KIAA0930: variants seen among roughly 807,000 people sequenced by gnomAD.
The protein encoded by KIAA0930 is KIAA0930.
In KIAA0930, 24 loss-of-function variants were observed where a neutral mutation model predicts 43.9. The observed-to-expected ratio is 0.55, with a 90% confidence interval of 0.40 to 0.77. The LOEUF is 0.77. KIAA0930 is among the 30% of genes least tolerant of loss of function. The pLI is 0.00. For missense variants in KIAA0930, 461 were observed against 574.2 expected (o/e 0.80, Z 2.02); for synonymous variants, 259 against 216.4 (o/e 1.20, Z -1.73).
intron 7 of KIAA0930, chr22:45,200,976 G>C: frequency 1.9e-6 from 1 of 525,596 alleles, no homozygotes; most frequent in Non-Finnish European, 3.9e-6. Context: ...GGGGGGAAGG[G>C]CGTTCCAGCC....
chr22:45,202,871 G>C, intron 7 of KIAA0930, 119 bp downstream of exon 7: 1 of 834,278 alleles, frequency 1.2e-6, no homozygotes, highest in African/African-American at 1.7e-5. Context: ...ACCTCGGCCT[G>C]CGCACTGGTG....
At chr22:45,215,623 C>T (rs1202816665) in intron 1 of KIAA0930, among the ~76,000 whole-genome samples, 1 of 152,160 alleles carries the variant, frequency 6.6e-6, no homozygotes. Flanking sequence ...TCTTTTTAAA[C>T]GATGGCTATA....
At chr22:45,228,878 A>G (rs533303043) in intron 1 of KIAA0930, among the ~76,000 whole-genome samples, 8 of 28,586 alleles carry the variant, frequency 2.8e-4, no homozygotes, top group East Asian at 1.7e-3. Flanking sequence ...ACTCACCCGA[A>G]AGATCCCTCC....
intron 1 of KIAA0930, 78 bp downstream of exon 1, chr22:45,240,562 C>G (rs1018525546): frequency 3.8e-6 from 4 of 1,045,178 alleles, no homozygotes; most frequent in Non-Finnish European, 4.2e-6. Flanking sequence ...GCGGGGCGCA[C>G]AGAAACACGG....
intron 8 of KIAA0930, chr22:45,198,150 A>C: frequency 1.0e-5 from 6 of 578,004 alleles, no homozygotes; most frequent in Non-Finnish European, 3.1e-6. Context: ...TCTGGCCCAG[A>C]CCCAGGCCTC....
At chr22:45,197,707 G>C (rs528525980) in intron 9 of KIAA0930, 83 bp downstream of exon 9, 2 of 1,458,456 alleles carry the variant, frequency 1.4e-6, no homozygotes, top group African/African-American at 2.8e-5. Flanking sequence ...GGATGACTCC[G>C]GGTGGCTCAC....
At chr22:45,217,345 A>G (rs980745067) in intron 1 of KIAA0930, among the ~76,000 whole-genome samples, 1 of 137,342 alleles carries the variant, frequency 7.3e-6, no homozygotes, top group African/African-American at 2.8e-5. Flanking sequence ...TGGGAGACAG[A>G]GCAAGACCCC....
intron 7 of KIAA0930, 127 bp from the exon 8 acceptor site, chr22:45,200,162 A>G: frequency 1.0e-6 from 1 of 971,910 alleles, no homozygotes; most frequent in South Asian, 2.1e-5. Context: ...CTGGCCCAGG[A>G]GGACCCAGGC....
At chr22:45,216,418 C>A (rs6007504) in intron 1 of KIAA0930, among the ~76,000 whole-genome samples, 1 of 152,188 alleles carries the variant, frequency 6.6e-6, no homozygotes, top group African/African-American at 2.4e-5. Flanking sequence ...TGGAGACCCT[C>A]TGCTCTGCTG....
intron 1 of KIAA0930, among the ~76,000 whole-genome samples, chr22:45,226,622 C>T (rs923406667): frequency 3.9e-5 from 6 of 152,134 alleles, no homozygotes; most frequent in African/African-American, 1.4e-4. Context: ...GTTCCATATT[C>T]AAATTCCTGT....
intron 1 of KIAA0930, among the ~76,000 whole-genome samples, chr22:45,217,698 A>G (rs1364259976): frequency 6.6e-6 from 1 of 152,216 alleles, no homozygotes; most frequent in Admixed American, 6.5e-5. Flanking sequence ...TCGACACTGC[A>G]TGAATGTCAG....
intron 7 of KIAA0930, among the ~76,000 whole-genome samples, chr22:45,200,672 G>C (rs1198957239): frequency 6.6e-6 from 1 of 152,174 alleles, no homozygotes; most frequent in Non-Finnish European, 1.5e-5. Flanking sequence ...GTTTGGTTCT[G>C]TTCACCAAAC....
At position 45,224,941 on chromosome 22, in the gene KIAA0930, G is replaced by A. The variant is rs777370482; in HGVS notation, c.65-12834C>T. Among the ~76,000 whole-genome samples the A allele has an allele frequency of 6.6e-5, 10 of 152,158 alleles. No homozygotes were observed. The South Asian group carries it at 1.2e-3, about 19-fold the overall frequency. On this transcript the variant is annotated intron_variant, in intron 1 of 9. Coordinates refer to ENST00000336156, the MANE Select transcript of KIAA0930 (RefSeq NM_001009880.2). Reference sequence around the variant, plus strand: ...TTGGTGGGGAGGGGGCTGAGAAGGCGTCTGCCGTGGGGTGGCCTGCAGATG... The same window carrying A: ...TTGGTGGGGAGGGGGCTGAGAAGGCATCTGCCGTGGGGTGGCCTGCAGATG...
At chr22:45,214,762 A>G (rs2083721082) in intron 1 of KIAA0930, among the ~76,000 whole-genome samples, 1 of 152,166 alleles carries the variant, frequency 6.6e-6, no homozygotes, top group Non-Finnish European at 1.5e-5. Flanking sequence ...AATAAAAATT[A>G]GCTGGGCATG....
Position 45,197,771 on chromosome 22 carries a change from C to G in KIAA0930, c.1174+19G>C, listed in dbSNP as rs757246671. The G allele has an allele frequency of 6.2e-7, 1 of 1,613,046 alleles. No homozygotes were observed. The highest frequency in any genetic ancestry group is 1.3e-5 in the African/African-American group (1 of 75,038). On this transcript the variant is annotated intron_variant, in intron 9 of 9. Coordinates refer to ENST00000336156, the MANE Select transcript of KIAA0930 (RefSeq NM_001009880.2). ...GCTGTGAGAAGGTGCGGCTGCTTCC[C>G]CACATCCGCCAGCATTACCTGTTAA...
intron 1 of KIAA0930, among the ~76,000 whole-genome samples, chr22:45,222,654 C>G (rs2083774414): frequency 1.3e-5 from 2 of 151,836 alleles, no homozygotes; most frequent in African/African-American, 4.9e-5. Context: ...CCCCCGCCCC[C>G]CCACCACCAC....
At position 45,196,817 on chromosome 22, in the gene KIAA0930, G is replaced by A. The variant is rs548507034; in HGVS notation, c.*359C>T. The A allele has an allele frequency of 3.2e-5, 8 of 252,602 alleles. No homozygotes were observed. Among genetic ancestry groups the A allele is most frequent in the Admixed American group, 2.8e-4 (5 of 17,752 alleles). 15.6% of individuals were successfully genotyped at this position (252,602 alleles called of 1,614,324 possible). On this transcript the variant is annotated 3_prime_UTR_variant, in exon 10 of 10. Coordinates refer to ENST00000336156, the MANE Select transcript of KIAA0930 (RefSeq NM_001009880.2). This position sits in a 1 kb window ranked among gnomAD's most constrained non-coding sequence, Gnocchi z 4.1. Reference sequence around the variant, plus strand: ...TGGTTCCGCCTGCTGCTGGGGGGACGTGAACATAGACCCGCCGCTCTGGCC... The same window carrying A: ...TGGTTCCGCCTGCTGCTGGGGGGACATGAACATAGACCCGCCGCTCTGGCC...
Position 45,227,980 on chromosome 22 carries a change from T to C in KIAA0930, c.64+12660A>G, listed in dbSNP as rs181515018. 1.2e-3 allele frequency among the ~76,000 whole-genome samples: 188 copies of C among 152,226 alleles called. 1 individual carries two copies. The highest frequency in any genetic ancestry group is 2.0e-3 in the Non-Finnish European group (138 of 67,978). Reference sequence around the variant, plus strand: ...GAATCCTAGACCCCTACACCCCTGGTAGGCATGGTCTCAGGGATGGCCCAG... The same window carrying C: ...GAATCCTAGACCCCTACACCCCTGGCAGGCATGGTCTCAGGGATGGCCCAG... On this transcript the variant is annotated intron_variant, in intron 1 of 9. Transcript: ENST00000336156.
chr22:45,240,571 G>C, intron 1 of KIAA0930, 69 bp downstream of exon 1: 1 of 1,112,324 alleles, frequency 9.0e-7, no homozygotes, highest in Non-Finnish European at 1.3e-6. Context: ...ACAGAAACAC[G>C]GACGCGCAGA....
Sources: gnomAD v4.1 joint callset for allele counts (sites outside exome capture counted in the v4.1 genomes callset) on GRCh38, gnomAD v4.1.1 for gene constraint, Gnocchi (gnomAD v3.1) non-coding constraint, MANE v1.5 for transcripts, NCBI Gene and HGNC (gene_info 2026-07-23, HGNC 2026-07-21) for gene names.